The following PCDH11X variants were observed in gnomAD, a reference collection of about 807,000 sequenced individuals.
The protein encoded by PCDH11X is protocadherin-11 X-linked.
A neutral mutation model predicts 53.3 loss-of-function variants in PCDH11X; 18 were observed. The observed-to-expected ratio is 0.34, with a 90% CI of 0.23 to 0.50. The LOEUF is 0.50. Among genes scored for constraint, PCDH11X ranks in the 20% least tolerant of loss-of-function variants. PCDH11X has a pLI of 0.98. For missense variants in PCDH11X, 570 were observed against 1,032.4 expected (o/e 0.55, Z 6.14); for synonymous variants, 279 against 393.3 (o/e 0.71, Z 3.44).
At chrX:92,470,919 T>C (rs1266472292) in intron 10 of PCDH11X, among the ~76,000 whole-genome samples, 2 of 109,921 alleles carry the variant, frequency 1.8e-5, no homozygotes, top group Non-Finnish European at 3.8e-5. Context: ...TTTTCTGATA[T>C]GTTGTTGGTT....
chrX:92,346,874 C>A (rs1260853255), intron 8 of PCDH11X, among the ~76,000 whole-genome samples: 1 of 111,209 alleles, frequency 9.0e-6, no homozygotes, highest in African/African-American at 3.3e-5. Flanking sequence ...TGTCTTGTAG[C>A]ATATTTTTCC....
At chrX:92,061,382 G>A (rs1218152087) in intron 6 of PCDH11X, among the ~76,000 whole-genome samples, 3 of 110,933 alleles carry the variant, frequency 2.7e-5, no homozygotes, top group East Asian at 2.8e-4. Flanking sequence ...TCCTGTTGGC[G>A]AATTGTAATA....
chrX:92,341,325 C>G (rs2069753766), intron 8 of PCDH11X, among the ~76,000 whole-genome samples: 1 of 111,691 alleles, frequency 9.0e-6, no homozygotes, highest in Non-Finnish European at 1.9e-5. Context: ...CCTTCGCCTG[C>G]TATTCAGTTC....
intron 6 of PCDH11X, among the ~76,000 whole-genome samples, chrX:92,076,786 G>T (rs1368958499): frequency 9.0e-6 from 1 of 111,627 alleles, no homozygotes; most frequent in Non-Finnish European, 1.9e-5. Flanking sequence ...TGCCCAGCTG[G>T]GCTTATTCAA....
At chrX:92,257,692 C>T (rs1001998828) in intron 7 of PCDH11X, among the ~76,000 whole-genome samples, 1 of 112,699 alleles carries the variant, frequency 8.9e-6, no homozygotes, top group Admixed American at 9.4e-5. Flanking sequence ...CCAAAATAAT[C>T]TCCTTTGGCT....
At chrX:92,421,462 A>G (rs1330643618) in intron 9 of PCDH11X, among the ~76,000 whole-genome samples, 1 of 111,776 alleles carries the variant, frequency 8.9e-6, no homozygotes, top group Non-Finnish European at 1.9e-5. Context: ...TTATTGCTAC[A>G]TAGTATTCCA....
intron 6 of PCDH11X, among the ~76,000 whole-genome samples, chrX:91,901,442 G>T (rs771924290): frequency 9.0e-6 from 1 of 111,308 alleles, no homozygotes; most frequent in South Asian, 3.8e-4. Flanking sequence ...TCTGGAATAA[G>T]ACCTCAAATG....
chrX:92,058,320 T>A (rs1048994965), intron 6 of PCDH11X, among the ~76,000 whole-genome samples: 209 of 110,574 alleles, frequency 1.9e-3, no homozygotes, highest in Non-Finnish European at 2.9e-3. Context: ...CTATTTAGCT[T>A]GTGGGCTCAC....
chrX:92,213,046 C>T (rs2066621304), intron 7 of PCDH11X, among the ~76,000 whole-genome samples: 1 of 111,979 alleles, frequency 8.9e-6, no homozygotes, highest in Non-Finnish European at 1.9e-5. Context: ...TTTTCATCTT[C>T]AAGAATTATG....
intron 6 of PCDH11X, among the ~76,000 whole-genome samples, chrX:91,988,477 C>G (rs2062262090): frequency 8.9e-6 from 1 of 112,178 alleles, no homozygotes; most frequent in Non-Finnish European, 1.9e-5. Context: ...TTCTCTCTCT[C>G]ATACAAATAA....
chrX:92,278,340 G>A (rs375788209), intron 8 of PCDH11X, among the ~76,000 whole-genome samples: 5 of 111,907 alleles, frequency 4.5e-5, no homozygotes, highest in Middle Eastern at 9.2e-3. Context: ...GAGGTCCCCC[G>A]ATCTGAGTCA....
At chrX:92,490,984 A>G (rs1294183100) in intron 10 of PCDH11X, among the ~76,000 whole-genome samples, 1 of 108,550 alleles carries the variant, frequency 9.2e-6, no homozygotes, top group Non-Finnish European at 1.9e-5. Context: ...GAAAAGGTCA[A>G]CTAGAAAAAA....
intron 6 of PCDH11X, among the ~76,000 whole-genome samples, chrX:92,033,189 T>G (rs776151469): frequency 1.8e-5 from 2 of 111,280 alleles, no homozygotes; most frequent in South Asian, 7.6e-4. Flanking sequence ...TCAGAGGTAT[T>G]GGCTTGTAGT....
rs765523053 is a variant in PCDH11X at position 92,387,741 on chromosome X, C to A, written c.3151C>A (p.Arg1051=). The change falls in exon 9 of 11, where the codon CGG becomes AGG. Residue 1051 remains arginine, a synonymous_variant. Transcript: ENST00000682573. Reference sequence around the variant, plus strand: ...TTTTCATTCTCCCTTTCAGTCCCAGCGGCGTGTCACATTTCACCTGCCAGA... The same window carrying A: ...TTTTCATTCTCCCTTTCAGTCCCAGAGGCGTGTCACATTTCACCTGCCAGA... ...SEGKVAGKSQ[R]RVTFHLPEGS... 8 of 1,211,740 alleles carry A rather than the reference C, an allele frequency of 6.6e-6. No individual in the cohort carries two copies. The South Asian group carries it at 1.2e-4, about 19-fold the overall frequency.
chrX:92,102,474 G>C (rs774410485), intron 6 of PCDH11X, among the ~76,000 whole-genome samples: 1 of 111,354 alleles, frequency 9.0e-6, no homozygotes, highest in South Asian at 3.8e-4. Context: ...TTTTGTAAGG[G>C]ATTGAGGTTT....
At chrX:92,233,396 G>A (rs1418373109) in intron 7 of PCDH11X, among the ~76,000 whole-genome samples, 1 of 111,144 alleles carries the variant, frequency 9.0e-6, no homozygotes, top group African/African-American at 3.3e-5. Context: ...TAACTTAAAT[G>A]TTTCTCTTTA....
intron 6 of PCDH11X, among the ~76,000 whole-genome samples, chrX:91,921,109 C>T (rs776511384): frequency 1.8e-5 from 2 of 111,631 alleles, no homozygotes; most frequent in South Asian, 7.5e-4. Flanking sequence ...ACTTTGCTCC[C>T]AGAGCACTCA....
At chrX:92,149,960 A>G (rs1232777421) in intron 6 of PCDH11X, among the ~76,000 whole-genome samples, 2 of 111,729 alleles carry the variant, frequency 1.8e-5, no homozygotes, top group East Asian at 2.8e-4. Context: ...AATAATATTC[A>G]ACTTTATGGA....
chrX:92,493,628 T>C (rs1280200215), intron 10 of PCDH11X, among the ~76,000 whole-genome samples: 11 of 101,907 alleles, frequency 1.1e-4, no homozygotes, highest in African/African-American at 4.0e-4. Context: ...AAAACTTACA[T>C]AATGTTTGCC....
Sources: gnomAD v4.1 joint callset for allele counts (sites outside exome capture counted in the v4.1 genomes callset) on GRCh38, gnomAD v4.1.1 for gene constraint, MANE v1.5 for transcripts, NCBI Gene and HGNC (gene_info 2026-07-23, HGNC 2026-07-21) for gene names.